The following PVT1 variants were observed in gnomAD, a reference collection of about 807,000 sequenced individuals.
The protein encoded by PVT1 is CXCR4/PVT1 fusion.
rs529929304 is a variant in PVT1, at chr8:127,883,818, C to G, written n.373-6771C>G. 1.7e-4 allele frequency among the ~76,000 whole-genome samples: 26 copies of G among 152,200 alleles called. 1 individual carries two copies. The South Asian group carries it at 5.2e-3, about 30-fold the overall frequency. The stretch of plus-strand genomic sequence containing the variant: ...TTCCGTGTCACTGGGCCAGAGCATG[C>G]TTATTGTGAAGACTTCCCCTCAGTG... On this transcript the variant is annotated intron_variant and non_coding_transcript_variant, in intron 2 of 10. Transcript: ENST00000651587.
At chr8:127,976,074 A>G (rs59782674) in intron 3 of PVT1, among the ~76,000 whole-genome samples, 1 of 152,220 alleles carries the variant, frequency 6.6e-6, no homozygotes, top group South Asian at 2.1e-4. Flanking sequence ...TCTCTAAGGA[A>G]GAGTGGAGCT....
At chr8:127,891,462 G>A (rs1163508772) in intron 3 of PVT1, among the ~76,000 whole-genome samples, 1 of 152,210 alleles carries the variant, frequency 6.6e-6, no homozygotes, top group African/African-American at 2.4e-5. Flanking sequence ...GGTTGTATGT[G>A]GGCAGATGCA....
chr8:127,967,567 C>A (rs1816717089), intron 3 of PVT1, among the ~76,000 whole-genome samples: 1 of 152,208 alleles, frequency 6.6e-6, no homozygotes, highest in South Asian at 2.1e-4. Flanking sequence ...CCACAAAGCT[C>A]ATTCCAGAGG....
chr8:127,990,612 T>A (rs1817021506), intron 4 of PVT1, among the ~76,000 whole-genome samples: 1 of 152,210 alleles, frequency 6.6e-6, no homozygotes, highest in South Asian at 2.1e-4. Flanking sequence ...TGTGGACTGG[T>A]GAGAAGACAG....
chr8:128,089,753 C>T (rs751017800), intron 5 of PVT1, among the ~76,000 whole-genome samples: 3 of 152,122 alleles, frequency 2.0e-5, no homozygotes, highest in Admixed American at 1.3e-4. Flanking sequence ...CTCTGTTACA[C>T]ATATTTGCAG....
rs189369025 is a variant in PVT1 at position 127,822,267 on chromosome 8, C to T, written n.372+26196C>T. Reference sequence around the variant, plus strand: ...GACTCAGTCTGTCTGTGGCAAACCACGAAAGGAAAGATTAAACAATTCAAT... The same window carrying T: ...GACTCAGTCTGTCTGTGGCAAACCATGAAAGGAAAGATTAAACAATTCAAT... On this transcript the variant is annotated intron_variant and non_coding_transcript_variant, in intron 2 of 10. Transcript: ENST00000651587. Among the ~76,000 whole-genome samples the T allele has an allele frequency of 3.9e-5, 6 of 152,170 alleles. No individual in the cohort carries two copies. In the East Asian group the frequency reaches 7.7e-4, roughly 20 times the overall value.
intron 2 of PVT1, among the ~76,000 whole-genome samples, chr8:127,871,668 A>G (rs955671756): frequency 6.6e-6 from 1 of 152,222 alleles, no homozygotes; most frequent in Admixed American, 6.5e-5. Context: ...AACTGTTCCC[A>G]CACCCAGAGA....
intron 3 of PVT1, among the ~76,000 whole-genome samples, chr8:127,897,414 G>A (rs1425966189): frequency 1.3e-5 from 2 of 151,806 alleles, no homozygotes; most frequent in African/African-American, 2.4e-5. Context: ...CAGAGTAAGG[G>A]GCTATGTGAG....
chr8:127,992,511 C>G (rs1308292681), intron 4 of PVT1, among the ~76,000 whole-genome samples: 1 of 152,174 alleles, frequency 6.6e-6, no homozygotes, highest in Non-Finnish European at 1.5e-5. Context: ...GTAGCTAGTA[C>G]TATAGGCACA....
chr8:127,856,105 A>T (rs1181430986), intron 2 of PVT1, among the ~76,000 whole-genome samples: 2 of 152,218 alleles, frequency 1.3e-5, no homozygotes, highest in Non-Finnish European at 2.9e-5. Context: ...GAAAAATGAG[A>T]GTGGGCATCC....
At chr8:128,054,429 G>T (rs552170200) in intron 4 of PVT1, among the ~76,000 whole-genome samples, 1 of 152,194 alleles carries the variant, frequency 6.6e-6, no homozygotes, top group Non-Finnish European at 1.5e-5. Flanking sequence ...CTTACATGGA[G>T]AACTGAGGCT....
At chr8:127,896,655 T>C (rs1442317297) in intron 3 of PVT1, among the ~76,000 whole-genome samples, 1 of 152,100 alleles carries the variant, frequency 6.6e-6, no homozygotes, top group Non-Finnish European at 1.5e-5. Flanking sequence ...GGGGTACATG[T>C]GCAGGATGTG....
At chr8:128,061,217 G>A (rs576003095) in intron 4 of PVT1, among the ~76,000 whole-genome samples, 21 of 152,144 alleles carry the variant, frequency 1.4e-4, no homozygotes, top group South Asian at 2.1e-4. Context: ...CCATGGATTC[G>A]CCTATTGTAG....
chr8:127,989,451 C>T (rs1427119184), intron 4 of PVT1, among the ~76,000 whole-genome samples: 2 of 152,076 alleles, frequency 1.3e-5, no homozygotes, highest in African/African-American at 4.8e-5. Flanking sequence ...AACCTCTCCC[C>T]GACCTGGTTC....
At chr8:128,075,526 G>A (rs752720657) in intron 5 of PVT1, among the ~76,000 whole-genome samples, 1 of 151,898 alleles carries the variant, frequency 6.6e-6, no homozygotes, top group Non-Finnish European at 1.5e-5. Context: ...TCCACAAAAG[G>A]CCAAAGTCCT....
At chr8:127,822,450 G>A (rs188755732) in intron 2 of PVT1, among the ~76,000 whole-genome samples, 1,767 of 152,272 alleles carry the variant, frequency 0.012, 16 homozygotes, top group African/African-American at 0.024. Flanking sequence ...AGTGGCGAGT[G>A]CCTGTAGTCC....
chr8:128,069,401 G>A (rs899241960), intron 4 of PVT1, among the ~76,000 whole-genome samples: 2 of 152,116 alleles, frequency 1.3e-5, no homozygotes, highest in East Asian at 3.9e-4. Flanking sequence ...ATGACGTCAC[G>A]AAAGGACAGC....
chr8:127,984,885 C>CT (rs1491297042), intron 3 of PVT1, among the ~76,000 whole-genome samples: 2 of 99,606 alleles, frequency 2.0e-5, no homozygotes, highest in African/African-American at 7.3e-5. Flanking sequence ...TTCTTTCTTT[C>CT]TTTCTTTCTT....
intron 3 of PVT1, among the ~76,000 whole-genome samples, chr8:127,980,640 C>T (rs930409839): frequency 2.6e-5 from 4 of 152,150 alleles, no homozygotes; most frequent in Admixed American, 2.6e-4. Flanking sequence ...GTTTGAACTC[C>T]CAGGAGCCTG....
Sources: gnomAD v4.1 joint callset for allele counts (sites outside exome capture counted in the v4.1 genomes callset) on GRCh38, gnomAD v4.1.1 for gene constraint, MANE v1.5 for transcripts, NCBI Gene and HGNC (gene_info 2026-07-23, HGNC 2026-07-21) for gene names.